The following RBFOX1 variants were observed in gnomAD, a reference collection of about 807,000 sequenced individuals.
The protein encoded by RBFOX1 is RNA binding protein fox-1 homolog 1.
A neutral mutation model predicts 57.7 loss-of-function variants in RBFOX1; 8 were observed. The ratio of observed to expected loss-of-function variants is 0.14; its 90% CI spans 0.08 to 0.25. The LOEUF is 0.25. Among genes scored for constraint, RBFOX1 ranks in the 10% least tolerant of loss-of-function variants. The probability of loss-of-function intolerance (pLI) is 1.00; values close to 1 mark genes in which losing one functional copy is unlikely to be tolerated. For missense variants in RBFOX1, 611 were observed against 548.5 expected (o/e 1.11, Z -1.14); for synonymous variants, 326 against 222.4 (o/e 1.47, Z -4.15).
chr16:5,504,802 C>G (rs993167317), intron 2 of RBFOX1, among the ~76,000 whole-genome samples: 1 of 152,212 alleles, frequency 6.6e-6, no homozygotes, highest in Non-Finnish European at 1.5e-5. Context: ...AAGGGAGTAA[C>G]TGGCCATGAG....
In RBFOX1 at chr16:6,931,337, C is replaced by CTATCTCTA. The variant is rs1419175284; in HGVS notation, c.-15-120719_-15-120718insATCTCTAT. On this transcript the variant is annotated intron_variant, in intron 3 of 15. Transcript: ENST00000550418. ...TCTATCTATCTATCTATCTATCTAT[C>CTATCTCTA]TCTACACACACACACACACACACAC... Among the ~76,000 whole-genome samples, 497 of 110,242 alleles carry CTATCTCTA rather than the reference C, an allele frequency of 4.5e-3. 3 individuals carry two copies. The highest frequency in any genetic ancestry group is 0.015 in the African/African-American group (477 of 31,246). The allele number at this position is 110,242 out of a possible 152,430, so 72.3% of individuals were successfully genotyped here.
At chr16:5,295,452 C>T (rs2063643153) in intron 1 of RBFOX1, among the ~76,000 whole-genome samples, 2 of 152,194 alleles carry the variant, frequency 1.3e-5, no homozygotes, top group Non-Finnish European at 2.9e-5. Context: ...CAGCTGGGTT[C>T]AGTGCAAGGC....
intron 4 of RBFOX1, among the ~76,000 whole-genome samples, chr16:7,278,867 A>G (rs897935070): frequency 6.6e-6 from 1 of 152,172 alleles, no homozygotes; most frequent in Non-Finnish European, 1.5e-5. Flanking sequence ...TCTCAGCCTA[A>G]ATTTATCTTG....
intron 1 of RBFOX1, among the ~76,000 whole-genome samples, chr16:6,155,809 T>G (rs1458085771): frequency 6.6e-6 from 1 of 152,148 alleles, no homozygotes; most frequent in Non-Finnish European, 1.5e-5. Flanking sequence ...AACTCACTTA[T>G]TTTTATAGTT....
intron 3 of RBFOX1, among the ~76,000 whole-genome samples, chr16:6,962,862 C>G (rs1450044025): frequency 1.4e-5 from 2 of 144,264 alleles, no homozygotes; most frequent in Non-Finnish European, 1.5e-5. Flanking sequence ...GAGACCCTGT[C>G]TCATGGAAAA....
Position 6,215,195 on chromosome 16 carries a change from G to C in RBFOX1, c.-126-101800G>C, listed in dbSNP as rs577466345. 3.4e-5 allele frequency among the ~76,000 whole-genome samples: 4 copies of C among 117,306 alleles called. No individual in the cohort carries two copies. The South Asian group carries it at 1.4e-3, about 41-fold the overall frequency. The allele number at this position is 117,306 out of a possible 152,430, so 77.0% of individuals were successfully genotyped here. On this transcript the variant is annotated intron_variant, in intron 1 of 15. Coordinates refer to ENST00000550418, the MANE Select transcript of RBFOX1 (RefSeq NM_018723.4). The stretch of plus-strand genomic sequence containing the variant: ...GGGAGAGGGGGAGAGAGAAGGAGAG[G>C]AGGATAAGGAGAGGGAGAGGGGGAG...
At chr16:7,294,425 C>T (rs540073719) in intron 4 of RBFOX1, among the ~76,000 whole-genome samples, 1 of 151,404 alleles carries the variant, frequency 6.6e-6, no homozygotes. Context: ...TGGTGTGTCT[C>T]GGGTCTCTTT....
chr16:7,680,449 T>A (rs1337488624), intron 14 of RBFOX1, among the ~76,000 whole-genome samples: 1 of 152,096 alleles, frequency 6.6e-6, no homozygotes, highest in East Asian at 1.9e-4. Flanking sequence ...CATGAAAATG[T>A]CCCTCCACGT....
intron 3 of RBFOX1, among the ~76,000 whole-genome samples, chr16:6,934,948 C>T (rs777703601): frequency 6.6e-6 from 1 of 151,968 alleles, no homozygotes; most frequent in Admixed American, 6.6e-5. Flanking sequence ...ATTAGCTTGG[C>T]CTGGTGGCAT....
intron 4 of RBFOX1, among the ~76,000 whole-genome samples, chr16:7,461,925 C>T (rs1234756790): frequency 6.6e-6 from 1 of 152,162 alleles, no homozygotes; most frequent in Admixed American, 6.5e-5. Context: ...TCTACCCTCC[C>T]ATTTGTTCTT....
At chr16:6,489,976 T>C (rs2095595202) in intron 2 of RBFOX1, among the ~76,000 whole-genome samples, 1 of 152,214 alleles carries the variant, frequency 6.6e-6, no homozygotes, top group Non-Finnish European at 1.5e-5. Context: ...GAAACTTAAG[T>C]CTTTGCTTTC....
rs1009730559 is a variant in RBFOX1, at chr16:7,189,004, G to C, written c.27+136906G>C. ...GGGTTGGTTCAAGAACATCAGGCTAGAGGCAAGTCAAGACCTTAAGGCATT... is the reference window on the plus strand; with the variant it reads ...GGGTTGGTTCAAGAACATCAGGCTACAGGCAAGTCAAGACCTTAAGGCATT... On this transcript the variant is annotated intron_variant, in intron 4 of 15. Coordinates refer to ENST00000550418, the MANE Select transcript of RBFOX1 (RefSeq NM_018723.4). Among the ~76,000 whole-genome samples, 14 of 152,296 alleles carry C rather than the reference G, an allele frequency of 9.2e-5. No homozygotes were observed. In the South Asian group the frequency reaches 1.9e-3, roughly 20 times the overall value.
At chr16:7,292,962 A>C (rs1435864447) in intron 4 of RBFOX1, among the ~76,000 whole-genome samples, 1 of 152,122 alleles carries the variant, frequency 6.6e-6, no homozygotes, top group African/African-American at 2.4e-5. Flanking sequence ...TGAGGATACG[A>C]ATTTGTTCTC....
chr16:7,228,771 T>G (rs548238308), intron 4 of RBFOX1, among the ~76,000 whole-genome samples: 2 of 152,324 alleles, frequency 1.3e-5, no homozygotes, highest in Non-Finnish European at 2.9e-5. Flanking sequence ...TTGACCAAGT[T>G]TCCCATTATA....
upstream of RBFOX1, among the ~76,000 whole-genome samples, chr16:6,015,598 G>T (rs948587694): frequency 1.2e-4 from 18 of 152,122 alleles, no homozygotes; most frequent in African/African-American, 4.1e-4. Context: ...ACTTCAACAG[G>T]ACTCTATTTA....
intron 3 of RBFOX1, among the ~76,000 whole-genome samples, chr16:5,664,814 C>T (rs2049777659): frequency 6.6e-6 from 1 of 152,252 alleles, no homozygotes; most frequent in South Asian, 2.1e-4. Flanking sequence ...GTTTAAAATC[C>T]TCCTCTGGCT....
chr16:6,568,106 C>T (rs578029086), intron 2 of RBFOX1, among the ~76,000 whole-genome samples: 1 of 152,178 alleles, frequency 6.6e-6, no homozygotes, highest in African/African-American at 2.4e-5. Flanking sequence ...CGGGTAATGA[C>T]ATGTATTAGT....
chr16:6,990,466 A>G (rs1230576251), intron 3 of RBFOX1, among the ~76,000 whole-genome samples: 2 of 152,106 alleles, frequency 1.3e-5, no homozygotes, highest in Non-Finnish European at 1.5e-5. Flanking sequence ...TGGAGTTTGC[A>G]GTGAGTTGAG....
intron 3 of RBFOX1, among the ~76,000 whole-genome samples, chr16:6,855,238 A>C (rs1362761293): frequency 6.6e-6 from 1 of 152,060 alleles, no homozygotes; most frequent in African/African-American, 2.4e-5. Flanking sequence ...GAACATATGC[A>C]TGAGGAAGGG....
Sources: allele counts gnomAD v4.1 joint callset (sites outside exome capture counted in the v4.1 genomes callset), GRCh38; gene constraint gnomAD v4.1.1; transcripts MANE v1.5; gene names NCBI Gene and HGNC (gene_info 2026-07-23, HGNC 2026-07-21).